The following MRPL36 variants were observed in gnomAD, a reference collection of about 807,000 sequenced individuals.
The protein encoded by MRPL36 is large ribosomal subunit protein bL36m.
A neutral mutation model predicts 2.8 loss-of-function variants in MRPL36; 1 was observed. The ratio of observed to expected loss-of-function variants is 0.36; its 90% confidence interval spans 0.13 to 1.69. The LOEUF (loss-of-function observed/expected upper bound fraction) is 1.69. MRPL36 is among the 40% of genes most tolerant of loss of function. MRPL36 has a pLI of 0.35. For missense variants in MRPL36, 148 were observed against 132.7 expected (o/e 1.12, Z -0.57); for synonymous variants, 68 against 54.8 (o/e 1.24, Z -1.06).
At chr5:1,801,352 A>T (rs550707352), upstream of MRPL36, 12 of 1,569,880 alleles carry the variant, frequency 7.6e-6, no homozygotes, top group Admixed American at 1.7e-4. Context: ...TGGCGCCGCC[A>T]GAAGCCGTGC....
upstream of MRPL36, chr5:1,801,378 A>C (rs994828648): frequency 2.1e-5 from 34 of 1,600,794 alleles, no homozygotes; most frequent in Non-Finnish European, 2.7e-5. Flanking sequence ...CGTTAGCGCT[A>C]AGCGGGACGT....
chr5:1,798,902 G>A lies in MRPL36; in HGVS notation c.34C>T (p.Pro12Ser). ...GTGTGACGACTGAGATAGAGCAGAG[G>A]GTTCACCATTTTCCTTATAAAAAGA... ...ANLFIRKMVNPLLYLSRHTVK... is the reference protein window; with the variant it reads ...ANLFIRKMVNSLLYLSRHTVK... Residue 12 changes from proline to serine, a missense_variant, in exon 2 of 2, where the codon CCT (proline) becomes TCT (serine). By Grantham distance (74) the Pro-to-Ser change is moderately conservative. Coordinates refer to ENST00000505059, the MANE Select transcript of MRPL36 (RefSeq NM_032479.4). The A allele has an allele frequency of 1.9e-6, 3 of 1,600,974 alleles. No individual in the cohort carries two copies. The highest frequency in any genetic ancestry group is 1.3e-5 in the African/African-American group (1 of 74,636).
upstream of MRPL36, among the ~76,000 whole-genome samples, chr5:1,800,476 C>T (rs985981046): frequency 1.3e-5 from 2 of 152,150 alleles, no homozygotes; most frequent in African/African-American, 4.8e-5. Flanking sequence ...CTTTTTCCAC[C>T]TGACCCGGCG....
At chr5:1,799,628 CA>C (rs68123901) in intron 1 of MRPL36, 163 bp downstream of exon 1, 74,940 of 151,894 alleles carry the variant, frequency 0.49, 21,702 homozygotes, top group Middle Eastern at 0.66. Context: ...CCGCACCCCC[CA>C]ACCCTGGCCC....
upstream of MRPL36, among the ~76,000 whole-genome samples, chr5:1,801,142 C>T (rs1734024717): frequency 6.6e-6 from 1 of 152,238 alleles, no homozygotes; most frequent in Admixed American, 6.5e-5. Flanking sequence ...GCTGCACCTG[C>T]CGGCGCAACG....
chr5:1,798,502 A>G lies in MRPL36; in HGVS notation c.*122T>C. 1.1e-6 allele frequency: 1 copy of G among 877,332 alleles called. No individual in the cohort carries two copies. Among genetic ancestry groups the G allele is most frequent in the Non-Finnish European group, 1.8e-6 (1 of 569,530 alleles). The allele number at this position is 877,332 out of a possible 1,614,324, so 54.3% of individuals were successfully genotyped here. On this transcript the variant is annotated 3_prime_UTR_variant, in exon 2 of 2. Transcript: ENST00000505059. ...CACTGAAACGTGATGGGTAACTTTT[A>G]GGGCGTTTGCTTCCAGTCACTTTCC...
At chr5:1,800,373 GCCTT>G (rs1306859076), upstream of MRPL36, among the ~76,000 whole-genome samples, 1 of 152,106 alleles carries the variant, frequency 6.6e-6, no homozygotes. Context: ...AACTCCATTC[GCCTT>G]CCTTTTTGTG....
In MRPL36 at chr5:1,799,005, A is replaced by G. The variant is rs1733938464; in HGVS notation, c.-12-58T>C. ...TCTCCTGCACTTCCACCTGCTCTTT[A>G]AGGCTTCCTTTTCTCTGTTTCACTG... On this transcript the variant is annotated intron_variant, in intron 1 of 1. Coordinates refer to ENST00000505059, the MANE Select transcript of MRPL36 (RefSeq NM_032479.4). The G allele has an allele frequency of 6.6e-6, 9 of 1,364,912 alleles. No individual in the cohort carries two copies. The South Asian group carries it at 1.1e-4, about 17-fold the overall frequency. The allele number at this position is 1,364,912 out of a possible 1,614,324, so 84.6% of individuals were successfully genotyped here.
At chr5:1,800,225 C>T (rs1050220061), upstream of MRPL36, among the ~76,000 whole-genome samples, 2 of 152,138 alleles carry the variant, frequency 1.3e-5, no homozygotes, top group African/African-American at 4.8e-5. Context: ...CAACTGGTTA[C>T]GGCTGTTTTC....
upstream of MRPL36, chr5:1,801,263 G>A: frequency 6.9e-6 from 8 of 1,154,582 alleles, no homozygotes; most frequent in East Asian, 7.9e-5. Flanking sequence ...GTGACCACCT[G>A]AATCAGAGAG....
In MRPL36 at chr5:1,798,894, G is replaced by C; in HGVS notation, c.42C>G (p.Leu14=). 1 of 1,606,894 alleles carries C rather than the reference G, an allele frequency of 6.2e-7. No individual in the cohort carries two copies. The highest frequency in any genetic ancestry group is 1.1e-5 in the South Asian group (1 of 90,960). The change falls in exon 2 of 2, where the codon CTC becomes CTG. Residue 14 remains leucine (L), a synonymous_variant. Coordinates refer to ENST00000505059, the MANE Select transcript of MRPL36 (RefSeq NM_032479.4). The part of the protein sequence containing the change: ...LFIRKMVNPL[L]YLSRHTVKPR... ...GCTTCACCGTGTGACGACTGAGATA[G>C]AGCAGAGGGTTCACCATTTTCCTTA...
At chr5:1,800,757 C>G (rs1391494821), upstream of MRPL36, among the ~76,000 whole-genome samples, 3 of 152,198 alleles carry the variant, frequency 2.0e-5, no homozygotes, top group African/African-American at 7.2e-5. Context: ...CTAAGCAAAA[C>G]GGGCCTTTTT....
At chr5:1,799,016 TTC>T (rs1733939345) in intron 1 of MRPL36, 69 bp from the exon 2 acceptor site, 5 of 1,296,694 alleles carry the variant, frequency 3.9e-6, no homozygotes, top group Admixed American at 2.4e-5. Flanking sequence ...AGGCTTCCTT[TTC>T]TCTGTTTCAC....
upstream of MRPL36, chr5:1,801,221 CATT>C (rs1734026919): frequency 1.7e-5 from 13 of 758,368 alleles, no homozygotes; most frequent in South Asian, 2.4e-4. Flanking sequence ...TAATCAGGGG[CATT>C]TTTAGCGAGA....
chr5:1,799,977 G>A (rs1313430505), upstream of MRPL36: 1 of 151,874 alleles, frequency 6.6e-6, no homozygotes, highest in African/African-American at 2.4e-5. Context: ...CCCCGACTGC[G>A]CGCACTCTGC....
At chr5:1,801,282 G>A (rs1364127987), upstream of MRPL36, 4 of 1,319,258 alleles carry the variant, frequency 3.0e-6, no homozygotes, top group Admixed American at 2.7e-5. Context: ...AGCAGCTCCG[G>A]CGCACCCTCT....
chr5:1,801,399 C>G (rs1561101632), upstream of MRPL36: 1 of 1,604,150 alleles, frequency 6.2e-7, no homozygotes, highest in East Asian at 2.2e-5. Context: ...TGCGCCGGGT[C>G]AAAGGCCAGC....
At chr5:1,800,096 C>T (rs573338285), upstream of MRPL36, among the ~76,000 whole-genome samples, 17 of 152,308 alleles carry the variant, frequency 1.1e-4, no homozygotes, top group African/African-American at 4.1e-4. Flanking sequence ...ACCACTTAGG[C>T]CTTAGAAAAA....
chr5:1,801,194 G>A (rs1734025941), upstream of MRPL36: 1 of 638,826 alleles, frequency 1.6e-6, no homozygotes, highest in Admixed American at 3.4e-5. Flanking sequence ...AGTCAAACAA[G>A]CGCACAGTAC....
Sources: gnomAD v4.1 joint callset for allele counts (sites outside exome capture counted in the v4.1 genomes callset) on GRCh38, gnomAD v4.1.1 for gene constraint, MANE v1.5 for transcripts, NCBI Gene and HGNC (gene_info 2026-07-23, HGNC 2026-07-21) for gene names.